NAALADL2: variants seen among roughly 807,000 people sequenced by gnomAD.
NAALADL2 encodes the protein inactive N-acetylated-alpha-linked acidic dipeptidase-like protein 2.
In NAALADL2, 76 loss-of-function variants were observed where a neutral mutation model predicts 87.2. The ratio of observed to expected loss-of-function variants is 0.87; its 90% CI spans 0.72 to 1.05. NAALADL2 has a LOEUF of 1.05. Among genes scored for constraint, NAALADL2 ranks in the 50% least tolerant of loss-of-function variants. The pLI is 0.00. For missense variants in NAALADL2, 1,089 were observed against 945.8 expected (o/e 1.15, Z -1.99); for synonymous variants, 354 against 331.0 (o/e 1.07, Z -0.75).
At chr3:174,900,726 A>G (rs1732201582) in intron 1 of NAALADL2, among the ~76,000 whole-genome samples, 1 of 152,100 alleles carries the variant, frequency 6.6e-6, no homozygotes, top group African/African-American at 2.4e-5. Flanking sequence ...ATTTTAACAG[A>G]GAGTACATCT....
chr3:175,596,071 T>G (rs1193797028), intron 10 of NAALADL2, among the ~76,000 whole-genome samples: 1 of 152,036 alleles, frequency 6.6e-6, no homozygotes, highest in Non-Finnish European at 1.5e-5. Flanking sequence ...ATATTAAATT[T>G]TAATTCTGTT....
At chr3:175,037,021 A>G (rs371499267) in intron 1 of NAALADL2, among the ~76,000 whole-genome samples, 121 of 152,178 alleles carry the variant, frequency 8.0e-4, no homozygotes, top group Non-Finnish European at 1.1e-3. Flanking sequence ...AGACCTGGAC[A>G]GTAGGGGTTC....
chr3:175,239,899 CAGTT>C (rs1201304597), intron 3 of NAALADL2, among the ~76,000 whole-genome samples: 2 of 152,124 alleles, frequency 1.3e-5, no homozygotes, highest in Admixed American at 6.6e-5. Flanking sequence ...AAGCACCTGA[CAGTT>C]AGTACTCTAT....
intron 2 of NAALADL2, among the ~76,000 whole-genome samples, chr3:175,154,914 A>C (rs1732076219): frequency 6.6e-6 from 1 of 152,202 alleles, no homozygotes. Context: ...TAAAAAATAA[A>C]GGAATTTCAA....
chr3:175,398,036 C>A (rs1401647047), intron 5 of NAALADL2, among the ~76,000 whole-genome samples: 7 of 151,542 alleles, frequency 4.6e-5, no homozygotes, highest in African/African-American at 1.7e-4. Context: ...CCAAAACAAA[C>A]AAAAAAAACT....
intron 2 of NAALADL2, among the ~76,000 whole-genome samples, chr3:175,218,472 T>C (rs78810060): frequency 6.7e-6 from 1 of 148,592 alleles, no homozygotes; most frequent in Non-Finnish European, 1.5e-5. Context: ...TTTTAAACTC[T>C]TTTTTTATCC....
intron 1 of NAALADL2, among the ~76,000 whole-genome samples, chr3:175,006,891 C>T (rs4348006): frequency 0.35 from 52,321 of 150,710 alleles, 13,543 homozygotes; most frequent in African/African-American, 0.73. Flanking sequence ...CATTCTTATA[C>T]GTATATAGCT....
At chr3:174,918,919 G>T (rs528528269) in intron 1 of NAALADL2, among the ~76,000 whole-genome samples, 3 of 151,396 alleles carry the variant, frequency 2.0e-5, no homozygotes, top group African/African-American at 4.8e-5. Flanking sequence ...TGTTCAGATC[G>T]GGACCACTAG....
chr3:175,218,348 C>T (rs1228257221), intron 2 of NAALADL2, among the ~76,000 whole-genome samples: 1 of 152,148 alleles, frequency 6.6e-6, no homozygotes, highest in Non-Finnish European at 1.5e-5. Flanking sequence ...GCATGTCCAT[C>T]ACATTATGAA....
At chr3:174,764,287 T>G (rs1713479148) in intron 3 of NAALADL2, among the ~76,000 whole-genome samples, 1 of 152,224 alleles carries the variant, frequency 6.6e-6, no homozygotes, top group African/African-American at 2.4e-5. Context: ...GCTAGGTAAC[T>G]TTTGTGTACC....
At chr3:174,470,822 G>T (rs1716850707) in intron 1 of NAALADL2, among the ~76,000 whole-genome samples, 1 of 152,040 alleles carries the variant, frequency 6.6e-6, no homozygotes, top group South Asian at 2.1e-4. Flanking sequence ...TTATTTCAGG[G>T]TGTCTGCATT....
intron 1 of NAALADL2, among the ~76,000 whole-genome samples, chr3:174,992,136 T>C (rs924416658): frequency 2.0e-5 from 3 of 152,046 alleles, no homozygotes; most frequent in African/African-American, 7.2e-5. Context: ...CTCTGAGATA[T>C]TGCAATGAAT....
chr3:175,036,987 T>G (rs1753496111), intron 1 of NAALADL2, among the ~76,000 whole-genome samples: 1 of 152,038 alleles, frequency 6.6e-6, no homozygotes, highest in Non-Finnish European at 1.5e-5. Flanking sequence ...TACTCTCTCA[T>G]ACACAGGTTG....
intron 2 of NAALADL2, chr3:175,218,059 T>A (rs1742820714): frequency 2.3e-6 from 1 of 425,738 alleles, no homozygotes; most frequent in Non-Finnish European, 4.7e-6. Flanking sequence ...AATGTTTTTT[T>A]TTGGCTAAAT....
intron 9 of NAALADL2, among the ~76,000 whole-genome samples, chr3:175,484,602 T>A (rs1465850563): frequency 6.6e-6 from 1 of 152,160 alleles, no homozygotes; most frequent in Non-Finnish European, 1.5e-5. Context: ...CATTTTATAA[T>A]GTACCCAGTA....
Position 175,600,522 on chromosome 3 carries a change from A to T in NAALADL2, c.1800+24335A>T, listed in dbSNP as rs1272795474. Among the ~76,000 whole-genome samples the T allele has an allele frequency of 8.2e-5, 6 of 73,394 alleles. No homozygotes were observed. In the South Asian group the frequency reaches 1.9e-3, roughly 23 times the overall value. The allele number at this position is 73,394 out of a possible 152,430, so 48.1% of individuals were successfully genotyped here. A position where few individuals can be genotyped will look rare whatever the true frequency, so the allele number is the denominator to read the frequency against. Reference sequence around the variant, plus strand: ...GCCTTTTGTCCCACAAATGTGTCTTAGTCTTTTTTTTTTTTTTTTTTTTTT... The same window carrying T: ...GCCTTTTGTCCCACAAATGTGTCTTTGTCTTTTTTTTTTTTTTTTTTTTTT... On this transcript the variant is annotated intron_variant, in intron 10 of 13. Transcript: ENST00000454872.
At chr3:174,859,949 A>G (rs979439124) in intron 1 of NAALADL2, among the ~76,000 whole-genome samples, 1 of 152,072 alleles carries the variant, frequency 6.6e-6, no homozygotes, top group South Asian at 2.1e-4. Context: ...GGGCGAGCCT[A>G]TCAGTTAGGA....
chr3:175,490,651 T>G (rs1303537809), intron 9 of NAALADL2, among the ~76,000 whole-genome samples: 1 of 151,506 alleles, frequency 6.6e-6, no homozygotes, highest in Non-Finnish European at 1.5e-5. Flanking sequence ...AGTCTCGGCC[T>G]CCCAAAGTGC....
chr3:175,804,256 T>C lies in NAALADL2; in HGVS notation c.*1053T>C, dbSNP rs1373680408. ...TATCAATAAAAGCCCCTTAATATTA[T>C]GAAGAAACTTTTCATATTTTTTCTT... On this transcript the variant is annotated 3_prime_UTR_variant, in exon 14 of 14. Coordinates refer to ENST00000454872, the MANE Select transcript of NAALADL2 (RefSeq NM_207015.3). 2 of 151,906 alleles carry C rather than the reference T, an allele frequency of 1.3e-5. No homozygotes were observed. The highest frequency in any genetic ancestry group is 4.8e-5 in the African/African-American group (2 of 41,440). 9.4% of individuals were successfully genotyped at this position (151,906 alleles called of 1,614,324 possible).
Sources: gnomAD v4.1 joint callset for allele counts (sites outside exome capture counted in the v4.1 genomes callset) on GRCh38, gnomAD v4.1.1 for gene constraint, MANE v1.5 for transcripts, NCBI Gene and HGNC (gene_info 2026-07-23, HGNC 2026-07-21) for gene names.